The following FGF14 variants were observed in gnomAD, a reference collection of about 807,000 sequenced individuals.
The protein encoded by FGF14 is fibroblast growth factor homologous factor 4.
A neutral mutation model predicts 25.5 loss-of-function variants in FGF14; 5 were observed. The ratio of observed to expected loss-of-function variants is 0.20; its 90% CI spans 0.10 to 0.41. FGF14 has a LOEUF of 0.41. Ranked by LOEUF, FGF14 falls within the 10% of genes least tolerant of loss-of-function variation. The probability of loss-of-function intolerance (pLI) is 1.00; values close to 1 mark genes in which losing one functional copy is unlikely to be tolerated. For synonymous variants in FGF14, 138 were observed against 118.3 expected (o/e 1.17, Z -1.08); for missense variants, 222 against 320.1 (o/e 0.69, Z 2.34).
chr13:102,067,662 C>G (rs1171838083), intron 1 of FGF14, among the ~76,000 whole-genome samples: 1 of 149,972 alleles, frequency 6.7e-6, no homozygotes, highest in African/African-American at 2.5e-5. Flanking sequence ...TCTACAAAAA[C>G]CTCAAAAAGG....
chr13:102,093,591 G>A (rs12583153), intron 1 of FGF14, among the ~76,000 whole-genome samples: 5,554 of 151,868 alleles, frequency 0.037, 295 homozygotes, highest in East Asian at 0.26. Flanking sequence ...TCATGTTTCT[G>A]GTGTATTTTT....
At chr13:101,961,121 T>C (rs2036829646) in intron 1 of FGF14, among the ~76,000 whole-genome samples, 1 of 152,196 alleles carries the variant, frequency 6.6e-6, no homozygotes, top group Non-Finnish European at 1.5e-5. Flanking sequence ...AAAAGCTCTC[T>C]CCCATTCTGT....
chr13:102,112,969 G>A (rs2045305299), intron 1 of FGF14, among the ~76,000 whole-genome samples: 1 of 152,124 alleles, frequency 6.6e-6, no homozygotes, highest in Non-Finnish European at 1.5e-5. Context: ...GAAAAAGTAG[G>A]TCATATTTCT....
chr13:102,115,440 C>T (rs1162194151), intron 1 of FGF14, among the ~76,000 whole-genome samples: 2 of 152,128 alleles, frequency 1.3e-5, no homozygotes, highest in African/African-American at 4.8e-5. Context: ...AATGGTATCT[C>T]ATTGTCATTT....
chr13:101,821,165 T>A (rs12428269), intron 3 of FGF14, among the ~76,000 whole-genome samples: 1 of 151,864 alleles, frequency 6.6e-6, no homozygotes, highest in Non-Finnish European at 1.5e-5. Context: ...AGCCAGGATG[T>A]TCTCGATCTC....
At chr13:102,107,793 C>T (rs1234618610) in intron 1 of FGF14, among the ~76,000 whole-genome samples, 1 of 152,190 alleles carries the variant, frequency 6.6e-6, no homozygotes, top group Non-Finnish European at 1.5e-5. Context: ...AGCAAAGGCA[C>T]ACTTGCAGCA....
At chr13:102,342,989 CA>C (rs537499918) in intron 1 of FGF14, among the ~76,000 whole-genome samples, 30 of 152,218 alleles carry the variant, frequency 2.0e-4, no homozygotes, top group African/African-American at 7.0e-4. Context: ...AATACAAAAT[CA>C]GTAAGAGTAA....
Position 102,331,263 on chromosome 13 carries a change from C to A in FGF14, c.208+70208G>T, listed in dbSNP as rs796344724. On this transcript the variant is annotated intron_variant, in intron 1 of 4. Coordinates refer to the FGF14 transcript ENST00000376131. ...TTTAATGATTAAATTCTGAACTGCT[C>A]CATTTTCTCATATTTTAATATCCCA... is the stretch of plus-strand genomic sequence containing the variant. 2.5e-4 allele frequency among the ~76,000 whole-genome samples: 38 copies of A among 152,220 alleles called. 1 individual carries two copies. The highest frequency in any genetic ancestry group is 8.4e-4 in the African/African-American group (35 of 41,548).
At chr13:101,791,190 C>T (rs1426856364) in intron 3 of FGF14, among the ~76,000 whole-genome samples, 1 of 152,180 alleles carries the variant, frequency 6.6e-6, no homozygotes, top group African/African-American at 2.4e-5. Flanking sequence ...TCTGAGTATA[C>T]TCTGCGGATG....
chr13:101,730,320 G>A (rs910713865), intron 3 of FGF14, among the ~76,000 whole-genome samples: 1 of 152,142 alleles, frequency 6.6e-6, no homozygotes, highest in Non-Finnish European at 1.5e-5. Context: ...GTGTGTTCAC[G>A]TTAATAGTTA....
intron 1 of FGF14, among the ~76,000 whole-genome samples, chr13:102,161,223 T>C (rs1404692779): frequency 6.6e-6 from 1 of 151,762 alleles, no homozygotes; most frequent in African/African-American, 2.4e-5. Context: ...CAACAAAAAA[T>C]AAATTAAGGA....
chr13:102,307,232 A>G (rs138925522), intron 1 of FGF14, among the ~76,000 whole-genome samples: 2 of 152,160 alleles, frequency 1.3e-5, no homozygotes, highest in Admixed American at 6.5e-5. Flanking sequence ...AACTTTTCCA[A>G]CATCCAAGTG....
chr13:101,985,393 A>G (rs2038515859), intron 1 of FGF14, among the ~76,000 whole-genome samples: 2 of 152,110 alleles, frequency 1.3e-5, no homozygotes. Flanking sequence ...TTAAATAACT[A>G]CTAAAAATAA....
At position 102,142,674 on chromosome 13, in the gene FGF14, T is replaced by C. The variant is rs75419865; in HGVS notation, c.208+258797A>G. On this transcript the variant is annotated intron_variant, in intron 1 of 4. Transcript: ENST00000376131. The stretch of plus-strand genomic sequence containing the variant: ...AATGGCATGATGAGGAAAGTGAAAA[T>C]GCTGTCGCAAATTGGATAAAAGTGA... Among the ~76,000 whole-genome samples, 193 of 152,276 alleles carry C rather than the reference T, an allele frequency of 1.3e-3. 3 individuals carry two copies. The East Asian group carries it at 0.03, about 24-fold the overall frequency.
At chr13:101,793,210 C>A (rs1566908894) in intron 3 of FGF14, among the ~76,000 whole-genome samples, 4 of 152,054 alleles carry the variant, frequency 2.6e-5, no homozygotes, top group Admixed American at 2.0e-4. Flanking sequence ...CACCATCTAC[C>A]CTCTGTTTTC....
Position 101,916,475 on chromosome 13 carries a change from C to A in FGF14, c.171G>T (p.Lys57Asn). The change falls in exon 1 of 5, where the codon AAG becomes AAT. Residue 57 changes from lysine (K) to asparagine (N), a missense_variant. Lys to Asn is a moderately conservative substitution (Grantham distance 94, BLOSUM62 0). This residue lies in a region of FGF14 where 80 missense variants were observed against 72.2 expected (regional missense o/e 1.11). Coordinates refer to ENST00000376143, the MANE Select transcript of FGF14 (RefSeq NM_004115.4). ...IFSKVRIFGL[K>N]KRRLRRQDPQ... is the part of the protein sequence containing the mutation. ...GACCTTGGCGCCGCAACCTGCGCTTCTTGAGGCCGAAGATGCGCACTTTGG... is the reference window on the plus strand; with the variant it reads ...GACCTTGGCGCCGCAACCTGCGCTTATTGAGGCCGAAGATGCGCACTTTGG... 6.2e-7 allele frequency: 1 copy of A among 1,613,970 alleles called. No individual in the cohort carries two copies. The highest frequency in any genetic ancestry group is 8.5e-7 in the Non-Finnish European group (1 of 1,179,936).
At chr13:102,392,997 C>T (rs2058469820) in intron 1 of FGF14, among the ~76,000 whole-genome samples, 1 of 152,174 alleles carries the variant, frequency 6.6e-6, no homozygotes, top group Non-Finnish European at 1.5e-5. Context: ...CCTAGAAACA[C>T]CCTCTATTTC....
At chr13:102,165,701 T>G (rs1484265739) in intron 1 of FGF14, among the ~76,000 whole-genome samples, 1 of 143,750 alleles carries the variant, frequency 7.0e-6, no homozygotes, top group Non-Finnish European at 1.5e-5. Context: ...CATTAGGAGA[T>G]ATACCTAATG....
chr13:102,339,985 G>A (rs1303391988), intron 1 of FGF14, among the ~76,000 whole-genome samples: 3 of 152,144 alleles, frequency 2.0e-5, no homozygotes, highest in Non-Finnish European at 2.9e-5. Context: ...TGAGGTTAAC[G>A]ACACACGGAA....
Sources: gnomAD v4.1 joint callset for allele counts (sites outside exome capture counted in the v4.1 genomes callset) on GRCh38, gnomAD v4.1.1 for gene constraint, gnomAD v4.1.1 regional missense constraint, MANE v1.5 for transcripts, NCBI Gene and HGNC (gene_info 2026-07-23, HGNC 2026-07-21) for gene names.